LYPLA1: variants seen among roughly 807,000 people sequenced by gnomAD.
LYPLA1 encodes the protein lysophospholipase 1, also known as acyl-protein thioesterase 1.
Under a neutral mutation model 34.0 loss-of-function variants are expected in LYPLA1, and 17 were observed. The observed-to-expected ratio is 0.50, with a 90% CI of 0.34 to 0.75. The LOEUF (loss-of-function observed/expected upper bound fraction) is 0.75, where lower values mean the gene tolerates loss of function less well. LYPLA1 is among the 30% of genes least tolerant of loss of function. The pLI, the probability that LYPLA1 is intolerant of heterozygous loss-of-function variation, is 0.01. For synonymous variants in LYPLA1, 98 were observed against 100.8 expected, an observed-to-expected ratio of 0.97 and a Z score of 0.17; for missense variants, 203 against 288.8, an observed-to-expected ratio of 0.70 and a Z score of 2.15.
At chr8:54,097,653 CCA>C (rs943134104) in intron 2 of LYPLA1, among the ~76,000 whole-genome samples, 2 of 152,124 alleles carry the variant, frequency 1.3e-5, no homozygotes, top group African/African-American at 2.4e-5. Context: ...TTTCAGCTGC[CCA>C]CAGTCAACTG....
Position 54,101,387 on chromosome 8 carries a change from G to C in LYPLA1, c.69+368C>G. 4 of 1,052,474 alleles carry C rather than the reference G, an allele frequency of 3.8e-6. No individual in the cohort carries two copies. The South Asian group carries it at 1.7e-4, about 45-fold the overall frequency. The allele number at this position is 1,052,474 out of a possible 1,614,324, so 65.2% of individuals were successfully genotyped here. ...TCAATCTTCAAACTTCTTTCATTGA[G>C]GATAAGAGTGCGAGGTGACAATAAG... is the stretch of plus-strand genomic sequence containing the variant. On this transcript the variant is annotated intron_variant, in intron 1 of 8. Transcript: ENST00000316963.
intron 3 of LYPLA1, among the ~76,000 whole-genome samples, chr8:54,065,293 A>G (rs528057870): frequency 2.0e-5 from 3 of 152,158 alleles, no homozygotes. Flanking sequence ...CCCTGCCTCT[A>G]CTAAACATAC....
At chr8:54,076,505 G>A (rs2129345645) in intron 2 of LYPLA1, among the ~76,000 whole-genome samples, 1 of 151,180 alleles carries the variant, frequency 6.6e-6, no homozygotes, top group South Asian at 2.1e-4. Flanking sequence ...GCAAATCAAA[G>A]AAGGGAGACA....
intron 2 of LYPLA1, among the ~76,000 whole-genome samples, chr8:54,071,606 C>T (rs1563610053): frequency 6.6e-6 from 1 of 152,042 alleles, no homozygotes. Context: ...ACAAAAAGCA[C>T]ACATTTTATT....
chr8:54,091,999 G>A (rs979356681), intron 2 of LYPLA1, among the ~76,000 whole-genome samples: 1 of 152,032 alleles, frequency 6.6e-6, no homozygotes, highest in Admixed American at 6.6e-5. Context: ...GAACCCAGGA[G>A]GTCAAGGCTG....
At chr8:54,059,099 G>T (rs776575795) in intron 5 of LYPLA1, among the ~76,000 whole-genome samples, 51 of 152,134 alleles carry the variant, frequency 3.4e-4, no homozygotes, top group Non-Finnish European at 6.6e-4. Context: ...TGAGGCCCAC[G>T]TATCTTCTTC....
chr8:54,055,511 T>C (rs1007909341), intron 5 of LYPLA1, among the ~76,000 whole-genome samples: 6 of 151,966 alleles, frequency 3.9e-5, no homozygotes, highest in African/African-American at 1.4e-4. Context: ...TTGATTGTTA[T>C]TGTTCATGAA....
chr8:54,060,485 G>A (rs904700287), intron 5 of LYPLA1, among the ~76,000 whole-genome samples: 2 of 151,800 alleles, frequency 1.3e-5, no homozygotes, highest in Non-Finnish European at 2.9e-5. Context: ...TTCTCCCTCC[G>A]AACAACTAGA....
intron 4 of LYPLA1, among the ~76,000 whole-genome samples, chr8:54,062,821 G>T (rs1362969597): frequency 1.3e-5 from 2 of 152,084 alleles, no homozygotes; most frequent in Non-Finnish European, 2.9e-5. Context: ...TAAAGTCATC[G>T]TTTTTTAACA....
chr8:54,078,448 T>C (rs1447515382), intron 2 of LYPLA1, among the ~76,000 whole-genome samples: 2 of 152,214 alleles, frequency 1.3e-5, no homozygotes, highest in Admixed American at 6.5e-5. Context: ...AAAGTATACA[T>C]GGTCCCCAAT....
chr8:54,081,651 G>A (rs1563635641), intron 2 of LYPLA1, among the ~76,000 whole-genome samples: 1 of 151,496 alleles, frequency 6.6e-6, no homozygotes, highest in Non-Finnish European at 1.5e-5. Flanking sequence ...TCCTGACCTC[G>A]TGATCTGCCC....
In LYPLA1 at chr8:54,047,623, GAC is replaced by G. The variant is rs962840311; in HGVS notation, c.*440_*441del. The G allele has an allele frequency of 7.4e-4, 114 of 153,622 alleles. No homozygotes were observed. Among genetic ancestry groups the G allele is most frequent in the African/African-American group, 2.6e-3 (108 of 41,606 alleles). The allele number at this position is 153,622 out of a possible 1,614,324, so 9.5% of individuals were successfully genotyped here. On this transcript the variant is annotated 3_prime_UTR_variant, in exon 9 of 9. Transcript: ENST00000316963. The stretch of plus-strand genomic sequence containing the variant: ...ATATGAACACATATATAAAAATACA[GAC>G]ACTGCATGGTGACTAAGCAATTTTG...
chr8:54,067,532 T>C (rs946310246), intron 2 of LYPLA1, among the ~76,000 whole-genome samples: 13 of 152,188 alleles, frequency 8.5e-5, no homozygotes, highest in African/African-American at 3.1e-4. Context: ...AATTAAGGAA[T>C]AGATGCACAT....
At chr8:54,058,905 AC>A (rs559459450) in intron 5 of LYPLA1, among the ~76,000 whole-genome samples, 3 of 152,018 alleles carry the variant, frequency 2.0e-5, no homozygotes, top group African/African-American at 7.2e-5. Flanking sequence ...GGCACTATGT[AC>A]CCCCAACTAT....
At position 54,096,249 on chromosome 8, in the gene LYPLA1, AAAATG is replaced by A. The variant is rs1334193875; in HGVS notation, c.101+4654_101+4658del. ...CTTTTATGTAAATTTCAAGTTATTT[AAAATG>A]AAAAGTTAAAAAGTTTAAAACATAA... On this transcript the variant is annotated intron_variant, in intron 2 of 8. Coordinates refer to ENST00000316963, the MANE Select transcript of LYPLA1 (RefSeq NM_006330.4). 2.0e-5 allele frequency among the ~76,000 whole-genome samples: 3 copies of A among 152,244 alleles called. No homozygotes were observed. In the East Asian group the frequency reaches 5.8e-4, roughly 29 times the overall value.
chr8:54,084,918 C>G (rs1190291977), intron 2 of LYPLA1, among the ~76,000 whole-genome samples: 1 of 152,172 alleles, frequency 6.6e-6, no homozygotes, highest in East Asian at 1.9e-4. Flanking sequence ...AAGCCCAGTA[C>G]CACATGGCTT....
intron 3 of LYPLA1, among the ~76,000 whole-genome samples, chr8:54,065,077 T>C (rs1170982524): frequency 6.6e-6 from 1 of 152,168 alleles, no homozygotes; most frequent in Non-Finnish European, 1.5e-5. Context: ...ACATCAACAT[T>C]GCCCCAAACG....
At chr8:54,054,916 T>G in intron 6 of LYPLA1, 144 bp downstream of exon 6, 1 of 618,362 alleles carries the variant, frequency 1.6e-6, no homozygotes, top group Non-Finnish European at 2.9e-6. Context: ...TCCAGTACAC[T>G]GAAACTTAAT....
At chr8:54,092,020 T>C (rs1809317842) in intron 2 of LYPLA1, among the ~76,000 whole-genome samples, 1 of 150,972 alleles carries the variant, frequency 6.6e-6, no homozygotes, top group East Asian at 2.0e-4. Flanking sequence ...CAGTGAGCTG[T>C]GTTCACGCCA....
Sources: allele counts gnomAD v4.1 joint callset (sites outside exome capture counted in the v4.1 genomes callset), GRCh38; gene constraint gnomAD v4.1.1; transcripts MANE v1.5; gene names NCBI Gene and HGNC (gene_info 2026-07-23, HGNC 2026-07-21).